CHD9: variants seen among roughly 807,000 people sequenced by gnomAD.
CHD9 encodes the protein ATP-dependent chromatin remodeler CHD9.
A neutral mutation model predicts 316.1 loss-of-function variants in CHD9; 77 were observed. That is an observed-to-expected ratio of 0.24 (90% CI 0.20 to 0.29). CHD9 has a LOEUF of 0.29. Ranked by LOEUF, CHD9 falls within the 10% of genes least tolerant of loss-of-function variation. The pLI is 1.00. For missense variants in CHD9, 2,763 were observed against 3,438.1 expected, an observed-to-expected ratio of 0.80 and a Z score of 4.91; for synonymous variants, 1,129 against 1,158.3, an observed-to-expected ratio of 0.97 and a Z score of 0.51.
chr16:53,188,891 C>CT lies in CHD9; in HGVS notation c.1453-20583dup, dbSNP rs565105716. The stretch of plus-strand genomic sequence containing the variant: ...TGAGCTACCGTGCCTAGCATTGTAT[C>CT]TTTTTTTTAGAGAAATGTCTATTCA... On this transcript the variant is annotated intron_variant, in intron 2 of 38. Transcript: ENST00000447540. Among the ~76,000 whole-genome samples the CT allele has an allele frequency of 5.6e-4, 85 of 151,456 alleles. 2 individuals are homozygous for CT. The East Asian group carries it at 0.012, about 22-fold the overall frequency.
intron 1 of CHD9, among the ~76,000 whole-genome samples, chr16:53,139,892 G>C (rs546266875): frequency 6.6e-6 from 1 of 151,808 alleles, no homozygotes; most frequent in East Asian, 1.9e-4. Context: ...GAGCCCAGGG[G>C]TTCCACACCA....
intron 24 of CHD9, among the ~76,000 whole-genome samples, chr16:53,276,413 CT>C (rs1370654421): frequency 6.6e-6 from 1 of 152,186 alleles, no homozygotes; most frequent in Admixed American, 6.5e-5. Flanking sequence ...TATTCCTACT[CT>C]TTAAGAGAAC....
chr16:53,194,411 T>C (rs2044724853), intron 2 of CHD9, among the ~76,000 whole-genome samples: 1 of 151,706 alleles, frequency 6.6e-6, no homozygotes, highest in Non-Finnish European at 1.5e-5. Flanking sequence ...CTTGTCTCTA[T>C]AAAAATACAA....
At chr16:53,125,452 TCTC>T (rs931015425) in intron 1 of CHD9, among the ~76,000 whole-genome samples, 5 of 152,090 alleles carry the variant, frequency 3.3e-5, no homozygotes, top group Non-Finnish European at 7.4e-5. Flanking sequence ...GCCAGGCTGG[TCTC>T]GAACTCCTGA....
chr16:53,161,183 G>A (rs2041884544), intron 2 of CHD9, among the ~76,000 whole-genome samples: 1 of 152,164 alleles, frequency 6.6e-6, no homozygotes, highest in African/African-American at 2.4e-5. Flanking sequence ...GATTGTGAGA[G>A]TGAAAAAGAG....
At chr16:53,067,185 T>C (rs1394493705) in intron 1 of CHD9, among the ~76,000 whole-genome samples, 3 of 152,190 alleles carry the variant, frequency 2.0e-5, no homozygotes, top group Non-Finnish European at 4.4e-5. Flanking sequence ...TCATGCAGTC[T>C]GCCTGCCTCG....
chr16:53,187,995 G>T (rs147929456), intron 2 of CHD9, among the ~76,000 whole-genome samples: 1 of 152,170 alleles, frequency 6.6e-6, no homozygotes, highest in African/African-American at 2.4e-5. Context: ...GTTAGCAGTC[G>T]TTCCTAATTT....
chr16:53,247,662 A>G (rs899338949), intron 16 of CHD9, 159 bp downstream of exon 16: 1 of 615,470 alleles, frequency 1.6e-6, no homozygotes, highest in Non-Finnish European at 2.8e-6. Context: ...ATTATGTGTT[A>G]TATTTTCCTA....
At chr16:53,107,155 C>T (rs1482939538) in intron 1 of CHD9, among the ~76,000 whole-genome samples, 1 of 151,898 alleles carries the variant, frequency 6.6e-6, no homozygotes, top group Admixed American at 6.6e-5. Context: ...TAAATGTAGG[C>T]CAGGCGTGGT....
At chr16:53,319,425 C>T (rs2057115180) in intron 37 of CHD9, among the ~76,000 whole-genome samples, 1 of 152,160 alleles carries the variant, frequency 6.6e-6, no homozygotes, top group Admixed American at 6.5e-5. Context: ...TTGTTGGGTA[C>T]ACCAACTCTT....
intron 1 of CHD9, among the ~76,000 whole-genome samples, chr16:53,124,936 G>T (rs992104077): frequency 2.6e-5 from 4 of 152,132 alleles, no homozygotes; most frequent in African/African-American, 9.7e-5. Context: ...ACTTACTATT[G>T]TTTGTCTTTT....
At position 53,293,159 on chromosome 16, in the gene CHD9, G is replaced by A. The variant is rs140878179; in HGVS notation, c.5510+107G>A. The A allele has an allele frequency of 3.0e-4, 285 of 953,400 alleles. No individual in the cohort carries two copies. The African/African-American group carries it at 4.1e-3, about 14-fold the overall frequency. The allele number at this position is 953,400 out of a possible 1,614,324, so 59.1% of individuals were successfully genotyped here. A position where few individuals can be genotyped will look rare whatever the true frequency, so the allele number is the denominator to read the frequency against. ...GCTTTGTGGAAAACATACATAGAAT[G>A]TTGGTCAAAGCAAACTGCTTTGTGC... On this transcript the variant is annotated intron_variant, in intron 29 of 38. Transcript: ENST00000447540.
chr16:53,277,041 C>G (rs188017667), intron 24 of CHD9, among the ~76,000 whole-genome samples: 2 of 152,158 alleles, frequency 1.3e-5, no homozygotes, highest in African/African-American at 4.8e-5. Context: ...ATACAACCAT[C>G]CTAGCTTAAA....
At chr16:53,166,486 A>G (rs554436095) in intron 2 of CHD9, among the ~76,000 whole-genome samples, 1 of 152,272 alleles carries the variant, frequency 6.6e-6, no homozygotes, top group African/African-American at 2.4e-5. Flanking sequence ...ACATTCCCAG[A>G]TACCTTAGGA....
At chr16:53,068,514 A>T (rs2033726774) in intron 1 of CHD9, among the ~76,000 whole-genome samples, 1 of 152,086 alleles carries the variant, frequency 6.6e-6, no homozygotes, top group Non-Finnish European at 1.5e-5. Context: ...GCATATCCTC[A>T]TTCTCTCAAA....
rs143905192 is a variant in CHD9, at chr16:53,127,037, C to T, written c.-164-28889C>T. 1.0e-3 allele frequency among the ~76,000 whole-genome samples: 153 copies of T among 152,166 alleles called. 1 individual carries two copies. The East Asian group carries it at 0.019, about 19-fold the overall frequency. ...TGGCGTGATCACAGCCCACTACAGCCTCAACCTCCTGGGCTCAAGTGATCC... is the reference window on the plus strand; with the variant it reads ...TGGCGTGATCACAGCCCACTACAGCTTCAACCTCCTGGGCTCAAGTGATCC... On this transcript the variant is annotated intron_variant, in intron 1 of 38. Transcript: ENST00000447540.
chr16:53,250,269 A>G (rs1361320333), intron 17 of CHD9: 2 of 535,248 alleles, frequency 3.7e-6, no homozygotes, highest in Non-Finnish European at 6.5e-6. Context: ...ACTTTTTTAT[A>G]TGTCTCACTA....
intron 12 of CHD9, among the ~76,000 whole-genome samples, chr16:53,242,182 A>G (rs185728963): frequency 6.6e-6 from 1 of 152,270 alleles, no homozygotes; most frequent in East Asian, 1.9e-4. Context: ...ACTCTATACA[A>G]AAACTGCAGT....
At chr16:53,309,560 T>A (rs1357283309) in intron 34 of CHD9, among the ~76,000 whole-genome samples, 1 of 152,228 alleles carries the variant, frequency 6.6e-6, no homozygotes, top group Non-Finnish European at 1.5e-5. Context: ...ATTAAATACC[T>A]AATTGGTGGT....
Sources: allele counts gnomAD v4.1 joint callset (sites outside exome capture counted in the v4.1 genomes callset), GRCh38; gene constraint gnomAD v4.1.1; transcripts MANE v1.5; gene names NCBI Gene and HGNC (gene_info 2026-07-23, HGNC 2026-07-21).